KCNT2: variants seen among roughly 807,000 people sequenced by gnomAD.
KCNT2 encodes potassium sodium-activated channel subfamily T member 2.
In KCNT2, 67 loss-of-function variants were observed where a neutral mutation model predicts 153.8. That is an observed-to-expected ratio of 0.44 (90% CI 0.36 to 0.53). The LOEUF is 0.53. Among genes scored for constraint, KCNT2 ranks in the 20% least tolerant of loss-of-function variants. The pLI is 0.00. For synonymous variants in KCNT2, 500 were observed against 458.8 expected (o/e 1.09, Z -1.15); for missense variants, 975 against 1,354.8 (o/e 0.72, Z 4.40).
At position 196,462,063 on chromosome 1, in the gene KCNT2, C is replaced by T. The variant is rs1308982456; in HGVS notation, c.638+3230G>A. On this transcript the variant is annotated intron_variant, in intron 8 of 27. Transcript: ENST00000294725. ...TAGTAATGTTAATTTCTGACATGTC[C>T]TATGGTTCAATATTCAGAAAGTGGT... Among the ~76,000 whole-genome samples, 4 of 151,520 alleles carry T rather than the reference C, an allele frequency of 2.6e-5. No individual in the cohort carries two copies. In the East Asian group the frequency reaches 7.8e-4, roughly 29 times the overall value.
At chr1:196,497,211 C>CA (rs1172089706) in intron 1 of KCNT2, among the ~76,000 whole-genome samples, 1 of 152,018 alleles carries the variant, frequency 6.6e-6, no homozygotes, top group African/African-American at 2.4e-5. Context: ...TTGGGAAGAA[C>CA]AAAAAACAAC....
intron 13 of KCNT2, 113 bp from the exon 14 acceptor site, chr1:196,373,361 T>C (rs1245783845): frequency 1.6e-6 from 1 of 612,046 alleles, no homozygotes; most frequent in Non-Finnish European, 2.9e-6. Flanking sequence ...AACATACTTG[T>C]TTTAGAGATG....
intron 1 of KCNT2, among the ~76,000 whole-genome samples, chr1:196,582,761 A>G (rs1162924587): frequency 6.6e-6 from 1 of 152,096 alleles, no homozygotes; most frequent in African/African-American, 2.4e-5. Flanking sequence ...AGGCAAGGAT[A>G]CAGATGAACC....
At chr1:196,249,478 T>C (rs184811121) in intron 26 of KCNT2, among the ~76,000 whole-genome samples, 9 of 152,148 alleles carry the variant, frequency 5.9e-5, no homozygotes, top group South Asian at 2.1e-4. Context: ...AAAATCAACA[T>C]ACAAAAATCA....
intron 8 of KCNT2, among the ~76,000 whole-genome samples, chr1:196,440,193 T>C (rs543985883): frequency 1.3e-5 from 2 of 152,164 alleles, no homozygotes; most frequent in South Asian, 2.1e-4. Context: ...AATGCACTTA[T>C]GATTTTATCC....
chr1:196,393,699 T>C (rs1670677352), intron 13 of KCNT2, among the ~76,000 whole-genome samples: 1 of 151,508 alleles, frequency 6.6e-6, no homozygotes, highest in Admixed American at 6.6e-5. Context: ...TACAGAAACA[T>C]GTCTGATAAC....
chr1:196,584,137 C>T (rs964448728), intron 1 of KCNT2, among the ~76,000 whole-genome samples: 20 of 90,262 alleles, frequency 2.2e-4, no homozygotes, highest in African/African-American at 5.9e-4. Context: ...GCAAAGAATG[C>T]GAAAACAATG....
At chr1:196,533,106 A>G (rs1210454071) in intron 1 of KCNT2, among the ~76,000 whole-genome samples, 1 of 152,122 alleles carries the variant, frequency 6.6e-6, no homozygotes, top group Non-Finnish European at 1.5e-5. Context: ...TAAAATGTGC[A>G]TTTTTACTTT....
At chr1:196,419,967 A>G (rs903156289) in intron 12 of KCNT2, among the ~76,000 whole-genome samples, 10 of 152,008 alleles carry the variant, frequency 6.6e-5, no homozygotes, top group African/African-American at 1.9e-4. Flanking sequence ...CTTTCATAAT[A>G]TTCTACCCTA....
At chr1:196,584,576 C>CA (rs1662446172) in intron 1 of KCNT2, among the ~76,000 whole-genome samples, 1 of 151,986 alleles carries the variant, frequency 6.6e-6, no homozygotes, top group South Asian at 2.1e-4. Flanking sequence ...ATTAAATCAA[C>CA]AGAGTATGAG....
At chr1:196,512,987 C>G (rs1460504479) in intron 1 of KCNT2, among the ~76,000 whole-genome samples, 2 of 152,132 alleles carry the variant, frequency 1.3e-5, no homozygotes, top group Admixed American at 6.6e-5. Context: ...AACACCCACT[C>G]TCTTCTTCCC....
At chr1:196,463,493 TTAA>T (rs1677336640) in intron 8 of KCNT2, among the ~76,000 whole-genome samples, 1 of 151,750 alleles carries the variant, frequency 6.6e-6, no homozygotes, top group Admixed American at 6.6e-5. Context: ...GTAGTTAAAC[TTAA>T]TGTTATGTAA....
intron 18 of KCNT2, among the ~76,000 whole-genome samples, chr1:196,327,276 T>C (rs1370857551): frequency 6.6e-6 from 1 of 151,260 alleles, no homozygotes; most frequent in African/African-American, 2.4e-5. Context: ...ACATTCCCAG[T>C]ACTGAATGCT....
At chr1:196,443,638 A>G (rs1675434659) in intron 8 of KCNT2, among the ~76,000 whole-genome samples, 1 of 151,616 alleles carries the variant, frequency 6.6e-6, no homozygotes, top group Admixed American at 6.6e-5. Flanking sequence ...TGTTAAATGG[A>G]AACAGGTTTG....
At chr1:196,417,548 T>C (rs1448774647) in intron 12 of KCNT2, among the ~76,000 whole-genome samples, 1 of 152,104 alleles carries the variant, frequency 6.6e-6, no homozygotes, top group African/African-American at 2.4e-5. Flanking sequence ...TTTCTAACTA[T>C]GATTTTATTA....
intron 25 of KCNT2, among the ~76,000 whole-genome samples, chr1:196,270,828 GGTGTGTGTGTGT>G (rs10641279): frequency 6.8e-6 from 1 of 148,032 alleles, no homozygotes; most frequent in African/African-American, 2.5e-5. Context: ...TCAACATGCA[GGTGTGTGTGTGT>G]GTGTGTGTGT....
chr1:196,465,598 T>C (rs1013695394), intron 7 of KCNT2, among the ~76,000 whole-genome samples: 5 of 151,900 alleles, frequency 3.3e-5, no homozygotes, highest in African/African-American at 7.2e-5. Context: ...TTCAAAGATA[T>C]TGCTGTAGGA....
At chr1:196,300,545 T>A (rs1661087888) in intron 22 of KCNT2, among the ~76,000 whole-genome samples, 1 of 152,074 alleles carries the variant, frequency 6.6e-6, no homozygotes, top group Admixed American at 6.6e-5. Flanking sequence ...GAGGGCAATG[T>A]CCTCATATCT....
intron 1 of KCNT2, among the ~76,000 whole-genome samples, chr1:196,603,350 A>AC (rs1485431425): frequency 6.6e-6 from 1 of 152,186 alleles, no homozygotes; most frequent in African/African-American, 2.4e-5. Context: ...TGAACTTAAA[A>AC]TTTAGAATAA....
Sources: allele counts gnomAD v4.1 joint callset (sites outside exome capture counted in the v4.1 genomes callset), GRCh38; gene constraint gnomAD v4.1.1; transcripts MANE v1.5; gene names NCBI Gene and HGNC (gene_info 2026-07-23, HGNC 2026-07-21).